The following SEMA3A variants were observed in gnomAD, a reference collection of about 807,000 sequenced individuals.
SEMA3A encodes the protein semaphorin 3A, also known as semaphorin-3A.
In SEMA3A, 29 loss-of-function variants were observed where a neutral mutation model predicts 97.9. The observed-to-expected ratio is 0.30, with a 90% CI of 0.22 to 0.40. The LOEUF (loss-of-function observed/expected upper bound fraction) is 0.40, where lower values mean the gene tolerates loss of function less well. SEMA3A is among the 10% of genes least tolerant of loss of function. The pLI is 1.00. For missense variants in SEMA3A, 763 were observed against 951.3 expected (o/e 0.80, Z 2.60); for synonymous variants, 321 against 323.7 (o/e 0.99, Z 0.09).
chr7:84,167,801 C>T (rs1797258728), intron 1 of SEMA3A, among the ~76,000 whole-genome samples: 1 of 152,070 alleles, frequency 6.6e-6, no homozygotes, highest in African/African-American at 2.4e-5. Flanking sequence ...CATACTATTC[C>T]TTCTAAAATA....
intron 4 of SEMA3A, among the ~76,000 whole-genome samples, chr7:84,074,779 ATTG>A (rs1471214151): frequency 6.6e-6 from 1 of 151,960 alleles, no homozygotes; most frequent in East Asian, 1.9e-4. Flanking sequence ...ATCACTAATT[ATTG>A]TTATTATGCT....
At chr7:84,108,838 G>A (rs915667960) in intron 4 of SEMA3A, among the ~76,000 whole-genome samples, 3 of 150,976 alleles carry the variant, frequency 2.0e-5, no homozygotes, top group Admixed American at 6.6e-5. Context: ...CTGGGAGGCA[G>A]AGGTTGCAGT....
intron 4 of SEMA3A, among the ~76,000 whole-genome samples, chr7:84,061,975 C>T: frequency 6.6e-6 from 1 of 152,140 alleles, no homozygotes; most frequent in East Asian, 1.9e-4. Flanking sequence ...CCAGGCTTAG[C>T]TCTGGTTCTC....
At chr7:84,044,946 C>T (rs1460537409) in intron 6 of SEMA3A, among the ~76,000 whole-genome samples, 2 of 152,036 alleles carry the variant, frequency 1.3e-5, no homozygotes, top group African/African-American at 4.8e-5. Context: ...GCCTTTGTCA[C>T]TACCACATGG....
chr7:84,271,493 C>T (rs892755174), intron 3 of SEMA3A, among the ~76,000 whole-genome samples: 1 of 152,122 alleles, frequency 6.6e-6, no homozygotes, highest in African/African-American at 2.4e-5. Flanking sequence ...TGGACAACCA[C>T]ATTCACTAAA....
At chr7:84,152,389 G>A (rs1255498087) in intron 1 of SEMA3A, among the ~76,000 whole-genome samples, 3 of 142,340 alleles carry the variant, frequency 2.1e-5, no homozygotes, top group Non-Finnish European at 4.5e-5. Flanking sequence ...CACGTCCTTT[G>A]TAGGGACATG....
intron 4 of SEMA3A, among the ~76,000 whole-genome samples, chr7:84,065,914 A>ATT (rs1793468057): frequency 6.6e-6 from 1 of 151,676 alleles, no homozygotes; most frequent in African/African-American, 2.4e-5. Flanking sequence ...TCCCTAACTC[A>ATT]TTTTATGAGG....
intron 3 of SEMA3A, among the ~76,000 whole-genome samples, chr7:84,125,001 T>C (rs1276173708): frequency 6.6e-6 from 1 of 152,034 alleles, no homozygotes; most frequent in Non-Finnish European, 1.5e-5. Context: ...ATGAAATACA[T>C]TTTAACATTG....
intron 2 of SEMA3A, among the ~76,000 whole-genome samples, chr7:84,311,092 A>T (rs1288267927): frequency 6.6e-6 from 1 of 151,876 alleles, no homozygotes; most frequent in East Asian, 1.9e-4. Context: ...AATTTCAAAC[A>T]ATCTTATCTT....
intron 13 of SEMA3A, 53 bp from the exon 14 acceptor site, chr7:83,981,531 T>G: frequency 1.3e-5 from 18 of 1,396,122 alleles, no homozygotes; most frequent in Non-Finnish European, 1.5e-5. Flanking sequence ...TTTAAATCTC[T>G]TGTTCTCTTA....
chr7:84,240,931 GA>G (rs1378880947), intron 3 of SEMA3A, among the ~76,000 whole-genome samples: 1 of 152,138 alleles, frequency 6.6e-6, no homozygotes, highest in Non-Finnish European at 1.5e-5. Flanking sequence ...CAAAGAACAT[GA>G]ATTCATCCTT....
chr7:84,145,438 G>A (rs966062214), intron 1 of SEMA3A, among the ~76,000 whole-genome samples: 2 of 151,800 alleles, frequency 1.3e-5, no homozygotes, highest in Non-Finnish European at 2.9e-5. Context: ...CAAAAATTTA[G>A]AAAAAGTAAA....
At chr7:84,049,569 C>A (rs1255214304) in intron 5 of SEMA3A, among the ~76,000 whole-genome samples, 1 of 151,934 alleles carries the variant, frequency 6.6e-6, no homozygotes. Flanking sequence ...AGATATCTGA[C>A]TATAAGAAAT....
At chr7:84,366,878 A>AT (rs1162385486) in intron 2 of SEMA3A, among the ~76,000 whole-genome samples, 7 of 150,854 alleles carry the variant, frequency 4.6e-5, no homozygotes, top group African/African-American at 7.3e-5. Flanking sequence ...GTTATGCAGG[A>AT]TTTTTTTTCT....
intron 1 of SEMA3A, among the ~76,000 whole-genome samples, chr7:84,455,238 G>T (rs1393010518): frequency 6.6e-6 from 1 of 151,816 alleles, no homozygotes; most frequent in Non-Finnish European, 1.5e-5. Flanking sequence ...TCTAAAAAAG[G>T]TTAAAAATAA....
chr7:84,453,479 G>A (rs1406506000), intron 1 of SEMA3A, among the ~76,000 whole-genome samples: 5 of 151,800 alleles, frequency 3.3e-5, no homozygotes, highest in African/African-American at 1.2e-4. Context: ...CTCGTGATCC[G>A]CCCACCTCGT....
chr7:84,149,499 T>C (rs932854216), intron 1 of SEMA3A, among the ~76,000 whole-genome samples: 2 of 152,188 alleles, frequency 1.3e-5, no homozygotes, highest in African/African-American at 4.8e-5. Context: ...AGCACACCTC[T>C]GGGTTGGAAA....
intron 1 of SEMA3A, among the ~76,000 whole-genome samples, chr7:84,148,249 T>A (rs1796523922): frequency 6.6e-6 from 1 of 151,978 alleles, no homozygotes; most frequent in African/African-American, 2.4e-5. Flanking sequence ...TCTTTTTTTT[T>A]AAAAGAGGCT....
chr7:84,191,907 CTTA>C (rs1345668816), intron 1 of SEMA3A, among the ~76,000 whole-genome samples: 2 of 151,770 alleles, frequency 1.3e-5, no homozygotes, highest in Non-Finnish European at 3.0e-5. Context: ...AAAGAGGTAT[CTTA>C]TTAGATATGT....
Sources: allele counts gnomAD v4.1 joint callset (sites outside exome capture counted in the v4.1 genomes callset), GRCh38; gene constraint gnomAD v4.1.1; transcripts MANE v1.5; gene names NCBI Gene and HGNC (gene_info 2026-07-23, HGNC 2026-07-21).